Variants in HMGCS1 observed in about 807,000 individuals in gnomAD.
HMGCS1 encodes 3-hydroxy-3-methylglutaryl-CoA synthase 1.
HMGCS1 carries 9 observed loss-of-function variants against 52.3 expected under a neutral mutation model. That is an observed-to-expected ratio of 0.17 (90% CI 0.10 to 0.30). The LOEUF is 0.30. Among genes scored for constraint, HMGCS1 ranks in the 10% least tolerant of loss-of-function variants. The pLI, the probability that HMGCS1 is intolerant of heterozygous loss-of-function variation, is 1.00. For missense variants in HMGCS1, 320 were observed against 620.9 expected, an observed-to-expected ratio of 0.52 and a Z score of 5.15; for synonymous variants, 176 against 214.4, an observed-to-expected ratio of 0.82 and a Z score of 1.57.
At position 43,290,418 on chromosome 5, in the gene HMGCS1, TGTTTTCTATACCA is replaced by T. The variant is rs1753690521; in HGVS notation, c.*700_*712del. ...ATATTCACAGCTCCTGAATGTACCA[TGTTTTCTATACCA>T]GAAGCCTCTTCAATGGCAGTGTTTC... On this transcript the variant is annotated 3_prime_UTR_variant, in exon 11 of 11. Transcript: ENST00000325110. 1 of 152,232 alleles carries T rather than the reference TGTTTTCTATACCA, an allele frequency of 6.6e-6. No individual in the cohort carries two copies. Among genetic ancestry groups the T allele is most frequent in the African/African-American group, 2.4e-5 (1 of 41,448 alleles). 9.4% of individuals were successfully genotyped at this position (152,232 alleles called of 1,614,324 possible).
intron 8 of HMGCS1, 95 bp downstream of exon 8, chr5:43,293,961 C>T (rs955178337): frequency 3.6e-5 from 28 of 771,634 alleles, no homozygotes; most frequent in Non-Finnish European, 5.9e-5. Flanking sequence ...GTGATCTGCC[C>T]GCCTCGGCCT....
intron 2 of HMGCS1, among the ~76,000 whole-genome samples, chr5:43,302,172 A>C (rs1754351563): frequency 6.6e-6 from 1 of 152,180 alleles, no homozygotes. Context: ...TTAACACAAG[A>C]TTCTTAACTT....
Position 43,294,825 on chromosome 5 carries a change from A to T in HMGCS1, c.942T>A (p.Asp314Glu). ...TAGCCTTCATAAATGCCTTCTCCAC[A>T]TCTCTATCAAAGTAGGTGTCTTCTA... is the stretch of plus-strand genomic sequence containing the variant. ...VKLEDTYFDR[D>E]VEKAFMKASS... The change falls in exon 7 of 11, where the codon GAT (aspartate) becomes GAA (glutamate). Residue 314 changes from aspartate to glutamate, a missense_variant. Around this residue, in one of 3 missense-constraint regions of HMGCS1, gnomAD observed 213 missense variants for 337.4 expected, o/e 0.63. Coordinates refer to ENST00000325110, the MANE Select transcript of HMGCS1 (RefSeq NM_001098272.3). The T allele has an allele frequency of 6.2e-7, 1 of 1,611,518 alleles. No individual in the cohort carries two copies. Among genetic ancestry groups the T allele is most frequent in the Admixed American group, 1.7e-5 (1 of 59,920 alleles).
rs1187193931 is a variant in HMGCS1 at position 43,288,552 on chromosome 5, A to T, written c.*2579T>A. On this transcript the variant is annotated 3_prime_UTR_variant, in exon 11 of 11. Coordinates refer to ENST00000325110, the MANE Select transcript of HMGCS1 (RefSeq NM_001098272.3). The stretch of plus-strand genomic sequence containing the variant: ...TGTTTGGGTCTAGTGTCAACCTCAA[A>T]GTTACTCATTAGTATCCATAAAAAT... 1 of 152,182 alleles carries T rather than the reference A, an allele frequency of 6.6e-6. No homozygotes were observed. The highest frequency in any genetic ancestry group is 1.5e-5 in the Non-Finnish European group (1 of 68,038). 9.4% of individuals were successfully genotyped at this position (152,182 alleles called of 1,614,324 possible).
rs1753727336 is a variant in HMGCS1, at chr5:43,290,903, C to T, written c.*228G>A. The stretch of plus-strand genomic sequence containing the variant: ...GTTTTACAGAGCCCTTAACATCATT[C>T]GAGTACATTTGGCATTGGCCAGACC... On this transcript the variant is annotated 3_prime_UTR_variant, in exon 11 of 11. Transcript: ENST00000325110. The T allele has an allele frequency of 2.1e-6, 1 of 473,566 alleles. No individual in the cohort carries two copies. Among genetic ancestry groups the T allele is most frequent in the East Asian group, 3.1e-5 (1 of 32,584 alleles). 29.3% of individuals were successfully genotyped at this position (473,566 alleles called of 1,614,324 possible). A position where few individuals can be genotyped will look rare whatever the true frequency, so the allele number is the denominator to read the frequency against.
chr5:43,292,689 T>A, intron 9 of HMGCS1, 52 bp from the exon 10 acceptor site: 1 of 1,547,690 alleles, frequency 6.5e-7, no homozygotes, highest in East Asian at 2.3e-5. Context: ...ACAATTCATC[T>A]GGTAATAAAG....
At chr5:43,300,814 A>T (rs867019857) in intron 2 of HMGCS1, among the ~76,000 whole-genome samples, 83 of 151,942 alleles carry the variant, frequency 5.5e-4, no homozygotes, top group Middle Eastern at 3.4e-3. Flanking sequence ...AAAAAAAAAA[A>T]AAAAAAGAAA....
At chr5:43,309,402 G>A (rs951965793) in intron 1 of HMGCS1, among the ~76,000 whole-genome samples, 1 of 151,926 alleles carries the variant, frequency 6.6e-6, no homozygotes, top group African/African-American at 2.4e-5. Flanking sequence ...ACAATACACA[G>A]CTGATTTTTG....
intron 4 of HMGCS1, 64 bp from the exon 5 acceptor site, chr5:43,297,230 G>A (rs535811702): frequency 4.5e-4 from 601 of 1,330,286 alleles, no homozygotes; most frequent in Admixed American, 5.7e-4. Context: ...ATGTTAATAA[G>A]TATACTGCAT....
At chr5:43,303,868 A>G (rs1754437896) in intron 2 of HMGCS1, among the ~76,000 whole-genome samples, 1 of 152,230 alleles carries the variant, frequency 6.6e-6, no homozygotes, top group Non-Finnish European at 1.5e-5. Context: ...GGTAAAGATA[A>G]GGCTTTTACA....
chr5:43,293,913 C>T, intron 8 of HMGCS1, 143 bp downstream of exon 8: 1 of 568,720 alleles, frequency 1.8e-6, no homozygotes, highest in Non-Finnish European at 3.2e-6. Context: ...GGGGTTTCAG[C>T]CATGTTAGCC....
intron 2 of HMGCS1, among the ~76,000 whole-genome samples, chr5:43,299,646 T>C (rs183321546): frequency 0.011 from 1,647 of 146,002 alleles, 22 homozygotes; most frequent in South Asian, 0.022. Flanking sequence ...CAAGACTCCG[T>C]CTCAAAAAAA....
At position 43,298,234 on chromosome 5, in the gene HMGCS1, C is replaced by T. The variant is rs1160263133; in HGVS notation, c.449-100G>A. The T allele has an allele frequency of 5.6e-6, 6 of 1,076,890 alleles. No homozygotes were observed. Among genetic ancestry groups the T allele is most frequent in the Non-Finnish European group, 8.0e-6 (6 of 751,772 alleles). 66.7% of individuals were successfully genotyped at this position (1,076,890 alleles called of 1,614,324 possible). A position where few individuals can be genotyped will look rare whatever the true frequency, so the allele number is the denominator to read the frequency against. Reference sequence around the variant, plus strand: ...TATTTTCCCCAGAATATGCTTTTCCCTTCTTTGATAAAGAAAGAAAATGCT... The same window carrying T: ...TATTTTCCCCAGAATATGCTTTTCCTTTCTTTGATAAAGAAAGAAAATGCT... On this transcript the variant is annotated intron_variant, in intron 3 of 10. Coordinates refer to ENST00000325110, the MANE Select transcript of HMGCS1 (RefSeq NM_001098272.3). The surrounding 1 kb of genome is among the most constrained non-coding windows in gnomAD (Gnocchi z 5.6).
intron 1 of HMGCS1, chr5:43,312,912 C>G (rs1416921082): frequency 1.3e-5 from 2 of 152,230 alleles, no homozygotes; most frequent in African/African-American, 4.8e-5. Context: ...TACCAGCCTC[C>G]GTCTAAAGAG....
At position 43,290,848 on chromosome 5, in the gene HMGCS1, C is replaced by G. The variant is rs1276735353; in HGVS notation, c.*283G>C. The G allele has an allele frequency of 3.2e-6, 1 of 315,414 alleles. No homozygotes were observed. The highest frequency in any genetic ancestry group is 4.9e-5 in the East Asian group (1 of 20,226). The allele number at this position is 315,414 out of a possible 1,614,324, so 19.5% of individuals were successfully genotyped here. ...TATACCATGTTTAAAAACCAAACATCATGCATACAAATGGCCAAAGAGGTA... is the reference window on the plus strand; with the variant it reads ...TATACCATGTTTAAAAACCAAACATGATGCATACAAATGGCCAAAGAGGTA... On this transcript the variant is annotated 3_prime_UTR_variant, in exon 11 of 11. Coordinates refer to ENST00000325110, the MANE Select transcript of HMGCS1 (RefSeq NM_001098272.3).
intron 9 of HMGCS1, 72 bp downstream of exon 9, chr5:43,292,776 T>C: frequency 1.3e-6 from 2 of 1,533,674 alleles, no homozygotes; most frequent in South Asian, 2.3e-5. Flanking sequence ...GATATCCTTA[T>C]CGTATATGTA....
chr5:43,289,015 G>A lies in HMGCS1; in HGVS notation c.*2116C>T, dbSNP rs1242650532. ...CCACTAAATTTGCTCTTATTTGATT[G>A]CCAGCCCTTAGTCTTAGCTTTTTTA... On this transcript the variant is annotated 3_prime_UTR_variant, in exon 11 of 11. Transcript: ENST00000325110. 6.6e-6 allele frequency: 1 copy of A among 152,120 alleles called. No homozygotes were observed. Among genetic ancestry groups the A allele is most frequent in the African/African-American group, 2.4e-5 (1 of 41,416 alleles). 9.4% of individuals were successfully genotyped at this position (152,120 alleles called of 1,614,324 possible).
At chr5:43,308,129 T>C (rs1198322854) in intron 1 of HMGCS1, among the ~76,000 whole-genome samples, 2 of 152,114 alleles carry the variant, frequency 1.3e-5, no homozygotes, top group African/African-American at 2.4e-5. Context: ...ATGTCACCAA[T>C]TGAGGCTTTA....
At chr5:43,297,895 G>GC (rs1754113720) in intron 4 of HMGCS1, 114 bp downstream of exon 4, 2 of 760,644 alleles carry the variant, frequency 2.6e-6, no homozygotes, top group South Asian at 4.2e-5. Flanking sequence ...AAAGCTCTTA[G>GC]CAAGTAGTAC....
Sources: allele counts gnomAD v4.1 joint callset (sites outside exome capture counted in the v4.1 genomes callset), GRCh38; gene constraint gnomAD v4.1.1; regional missense constraint gnomAD v4.1.1; non-coding constraint Gnocchi (gnomAD v3.1); transcripts MANE v1.5; gene names NCBI Gene and HGNC (gene_info 2026-07-23, HGNC 2026-07-21).